The following MACROD1 variants were observed in gnomAD, a reference collection of about 807,000 sequenced individuals.
MACROD1 encodes the protein mono-ADP ribosylhydrolase 1.
A neutral mutation model predicts 41.4 loss-of-function variants in MACROD1; 31 were observed. The ratio of observed to expected loss-of-function variants is 0.75; its 90% confidence interval spans 0.56 to 1.01. MACROD1 has a LOEUF of 1.01. MACROD1 is among the 50% of genes least tolerant of loss of function. The probability of loss-of-function intolerance (pLI) is 0.00; values close to 1 mark genes in which losing one functional copy is unlikely to be tolerated. For synonymous variants in MACROD1, 252 were observed against 203.4 expected, an observed-to-expected ratio of 1.24 and a Z score of -2.03; for missense variants, 473 against 460.0, an observed-to-expected ratio of 1.03 and a Z score of -0.26.
At chr11:64,000,142 C>T (rs1942795934) in intron 5 of MACROD1, 85 bp downstream of exon 5, 4 of 1,122,962 alleles carry the variant, frequency 3.6e-6, no homozygotes, top group Non-Finnish European at 5.2e-6. Context: ...CCCCAGCACT[C>T]CTGTGGGGGC....
intron 1 of MACROD1, among the ~76,000 whole-genome samples, chr11:64,159,666 T>C (rs1431813971): frequency 6.7e-6 from 1 of 149,952 alleles, no homozygotes; most frequent in Non-Finnish European, 1.5e-5. Flanking sequence ...TGGGGGCGCA[T>C]GCCTGTAATC....
At chr11:64,103,646 A>G (rs1465837205) in intron 3 of MACROD1, 1 of 151,874 alleles carries the variant, frequency 6.6e-6, no homozygotes, top group Non-Finnish European at 1.5e-5. Context: ...GGCCCTTCAG[A>G]AGAGGTGGCG....
chr11:64,057,038 G>A lies in MACROD1; in HGVS notation c.518-41757C>T, dbSNP rs546328486. On this transcript the variant is annotated intron_variant, in intron 3 of 10. Coordinates refer to ENST00000255681, the MANE Select transcript of MACROD1 (RefSeq NM_014067.4). ...ACCCCCCTAAGCAAGCCTGCCCTGGGCTCCCAGGCTCCAGGCCTCCCTGCA... is the reference window on the plus strand; with the variant it reads ...ACCCCCCTAAGCAAGCCTGCCCTGGACTCCCAGGCTCCAGGCCTCCCTGCA... Among the ~76,000 whole-genome samples, 27 of 152,298 alleles carry A rather than the reference G, an allele frequency of 1.8e-4. No homozygotes were observed. The South Asian group carries it at 5.4e-3, about 30-fold the overall frequency.
chr11:64,095,562 T>C (rs2134538951), intron 3 of MACROD1, among the ~76,000 whole-genome samples: 1 of 151,874 alleles, frequency 6.6e-6, no homozygotes, highest in East Asian at 1.9e-4. Context: ...GCAGAGCTGG[T>C]GGGAGGGAAG....
intron 4 of MACROD1, among the ~76,000 whole-genome samples, chr11:64,010,940 T>C (rs1943003970): frequency 7.0e-6 from 1 of 142,072 alleles, no homozygotes; most frequent in Non-Finnish European, 1.5e-5. Flanking sequence ...GCTGGCATGT[T>C]GGTTGGGGTG....
intron 3 of MACROD1, among the ~76,000 whole-genome samples, chr11:64,052,414 C>A (rs747413311): frequency 6.6e-6 from 1 of 152,188 alleles, no homozygotes; most frequent in East Asian, 1.9e-4. Context: ...TGGCCTCAAG[C>A]GATCTTCCAT....
At chr11:64,142,989 C>T (rs1420430582) in intron 3 of MACROD1, among the ~76,000 whole-genome samples, 1 of 151,964 alleles carries the variant, frequency 6.6e-6, no homozygotes, top group African/African-American at 2.4e-5. Context: ...GGTGGCATGC[C>T]TGTGGTCCCT....
intron 5 of MACROD1, 115 bp from the exon 6 acceptor site, chr11:63,999,878 G>A: frequency 1.6e-6 from 2 of 1,247,186 alleles, no homozygotes; most frequent in East Asian, 5.0e-5. Flanking sequence ...CCCAAGCGCT[G>A]AGCCTCCTCC....
At chr11:64,153,918 C>T (rs1945623816) in intron 1 of MACROD1, among the ~76,000 whole-genome samples, 1 of 152,050 alleles carries the variant, frequency 6.6e-6, no homozygotes, top group Admixed American at 6.5e-5. Flanking sequence ...AATCCCGTCC[C>T]CTCCCTCAAC....
intron 3 of MACROD1, among the ~76,000 whole-genome samples, chr11:64,017,577 A>C (rs1943098018): frequency 6.6e-6 from 1 of 152,120 alleles, no homozygotes; most frequent in Non-Finnish European, 1.5e-5. Flanking sequence ...AACCAGGCAG[A>C]GTACCCCGCA....
chr11:64,125,217 C>G, intron 3 of MACROD1, among the ~76,000 whole-genome samples: 1 of 152,096 alleles, frequency 6.6e-6, no homozygotes, highest in Non-Finnish European at 1.5e-5. Context: ...AAAGCCAGCC[C>G]CCAAAGCACT....
At chr11:64,058,040 C>T (rs1943823212) in intron 3 of MACROD1, among the ~76,000 whole-genome samples, 2 of 152,234 alleles carry the variant, frequency 1.3e-5, no homozygotes, top group Non-Finnish European at 1.5e-5. Flanking sequence ...CTGAGTAATG[C>T]GCAATGTAAT....
intron 3 of MACROD1, among the ~76,000 whole-genome samples, chr11:64,016,736 C>T (rs1463649058): frequency 6.6e-6 from 1 of 152,174 alleles, no homozygotes; most frequent in Non-Finnish European, 1.5e-5. Flanking sequence ...AGGCGAGGAG[C>T]GGCTGGGCGC....
intron 3 of MACROD1, among the ~76,000 whole-genome samples, chr11:64,084,241 C>T (rs1363283959): frequency 6.6e-6 from 1 of 152,178 alleles, no homozygotes; most frequent in Non-Finnish European, 1.5e-5. Context: ...GACAGGGACT[C>T]AGCCTCCAAA....
chr11:64,127,873 CCT>C (rs759056366), intron 3 of MACROD1, among the ~76,000 whole-genome samples: 15 of 152,148 alleles, frequency 9.9e-5, no homozygotes, highest in Admixed American at 4.6e-4. Context: ...GCCTCATCTG[CCT>C]CTCTCACATC....
chr11:64,166,076 G>A lies in MACROD1; in HGVS notation c.-82C>T, dbSNP rs924853177. 1.7e-4 allele frequency: 214 copies of A among 1,225,944 alleles called. 1 individual carries two copies. Among genetic ancestry groups the A allele is most frequent in the Middle Eastern group, 1.3e-3 (4 of 3,186 alleles). The allele number at this position is 1,225,944 out of a possible 1,614,324, so 75.9% of individuals were successfully genotyped here. On this transcript the variant is annotated 5_prime_UTR_variant, in exon 1 of 11. Transcript: ENST00000255681. ...GAGTGTCTCTCCCTTATTTACTCTGGGACCGGGTGGCGACTGCCAGCCAGC... is the reference window on the plus strand; with the variant it reads ...GAGTGTCTCTCCCTTATTTACTCTGAGACCGGGTGGCGACTGCCAGCCAGC...
At chr11:64,059,734 C>T (rs531939912) in intron 3 of MACROD1, among the ~76,000 whole-genome samples, 21 of 152,346 alleles carry the variant, frequency 1.4e-4, no homozygotes, top group Non-Finnish European at 8.8e-5. Context: ...CCAGCTGAGG[C>T]AAACGCAGGC....
rs1945071532 is a variant in MACROD1 at position 64,120,071 on chromosome 11, G to A, written c.517+31168C>T. Among the ~76,000 whole-genome samples the A allele has an allele frequency of 6.6e-6, 1 of 152,230 alleles. No homozygotes were observed. Among genetic ancestry groups the A allele is most frequent in the Non-Finnish European group, 1.5e-5 (1 of 68,044 alleles). ...ATTTTCAAACGGCCTCCACCACCGTGCGAAAAGCAAAGGCAGAAGCAGCAG... is the reference window on the plus strand; with the variant it reads ...ATTTTCAAACGGCCTCCACCACCGTACGAAAAGCAAAGGCAGAAGCAGCAG... On this transcript the variant is annotated intron_variant, in intron 3 of 10. Transcript: ENST00000255681. The surrounding 1 kb of genome is among the most constrained non-coding windows in gnomAD (Gnocchi z 4.5).
intron 3 of MACROD1, among the ~76,000 whole-genome samples, chr11:64,066,113 A>G (rs1053352082): frequency 6.6e-6 from 1 of 151,980 alleles, no homozygotes; most frequent in Admixed American, 6.6e-5. Flanking sequence ...CTTGGCCAAC[A>G]TGGTGAAACC....
Sources: gnomAD v4.1 joint callset for allele counts (sites outside exome capture counted in the v4.1 genomes callset) on GRCh38, gnomAD v4.1.1 for gene constraint, Gnocchi (gnomAD v3.1) non-coding constraint, MANE v1.5 for transcripts, NCBI Gene and HGNC (gene_info 2026-07-23, HGNC 2026-07-21) for gene names.